AKR1A1: variants seen among roughly 807,000 people sequenced by gnomAD.
AKR1A1 encodes aldo-keto reductase family 1 member A1, also known as HEL-S-165mP.
AKR1A1 carries 26 observed loss-of-function variants against 39.2 expected under a neutral mutation model. The ratio of observed to expected loss-of-function variants is 0.66; its 90% CI spans 0.49 to 0.92. The LOEUF is 0.92. Among genes scored for constraint, AKR1A1 ranks in the 40% least tolerant of loss-of-function variants. The pLI, the probability that AKR1A1 is intolerant of heterozygous loss-of-function variation, is 0.00. For synonymous variants in AKR1A1, 141 were observed against 155.5 expected (o/e 0.91, Z 0.69); for missense variants, 378 against 406.5 (o/e 0.93, Z 0.60).
At position 45,562,946 on chromosome 1, in the gene AKR1A1, C is replaced by T. The variant is rs139322443; in HGVS notation, c.84+1068C>T. Reference sequence around the variant, plus strand: ...ACCAGACTGGGCAACACAGTGAGACCCCCGTCTCTACAAAAAATTAAAAAA... The same window carrying T: ...ACCAGACTGGGCAACACAGTGAGACTCCCGTCTCTACAAAAAATTAAAAAA... On this transcript the variant is annotated intron_variant, in intron 2 of 8. Coordinates refer to ENST00000351829, the MANE Select transcript of AKR1A1 (RefSeq NM_153326.3). Among the ~76,000 whole-genome samples the T allele has an allele frequency of 2.0e-3, 298 of 151,966 alleles. 1 individual carries two copies. The highest frequency in any genetic ancestry group is 3.4e-3 in the Non-Finnish European group (234 of 67,958).
At chr1:45,560,493 C>T (rs917159253) in intron 1 of AKR1A1, among the ~76,000 whole-genome samples, 3 of 152,090 alleles carry the variant, frequency 2.0e-5, no homozygotes, top group Non-Finnish European at 4.4e-5. Flanking sequence ...GCCTGTAGTC[C>T]CAGCTACTTG....
intron 1 of AKR1A1, among the ~76,000 whole-genome samples, chr1:45,557,337 G>A (rs1326994976): frequency 6.6e-6 from 1 of 151,946 alleles, no homozygotes; most frequent in African/African-American, 2.4e-5. Flanking sequence ...AGATGAGGAA[G>A]TCAAGAGCTG....
intron 1 of AKR1A1, 85 bp from the exon 2 acceptor site, chr1:45,561,704 C>T: frequency 7.2e-7 from 1 of 1,382,942 alleles, no homozygotes; most frequent in Non-Finnish European, 1.0e-6. Flanking sequence ...GCACTTGGCG[C>T]TTTGCAGTAT....
At chr1:45,566,781 T>C in intron 3 of AKR1A1, 88 bp from the exon 4 acceptor site, 9 of 1,593,068 alleles carry the variant, frequency 5.6e-6, no homozygotes, top group Admixed American at 1.7e-5. Context: ...TGGCATCAGC[T>C]TCCTTCCAGT....
intron 1 of AKR1A1, among the ~76,000 whole-genome samples, chr1:45,558,290 A>G (rs1173548326): frequency 1.3e-5 from 2 of 151,516 alleles, no homozygotes; most frequent in African/African-American, 2.4e-5. Flanking sequence ...GTGCAGTGGC[A>G]CTATATCAGC....
intron 2 of AKR1A1, among the ~76,000 whole-genome samples, chr1:45,564,090 A>G (rs993668908): frequency 6.6e-6 from 1 of 152,202 alleles, no homozygotes; most frequent in Non-Finnish European, 1.5e-5. Context: ...AGATTCTTCT[A>G]TCTGGGATTT....
At chr1:45,560,193 C>T (rs746536821) in intron 1 of AKR1A1, among the ~76,000 whole-genome samples, 8 of 152,110 alleles carry the variant, frequency 5.3e-5, no homozygotes, top group Non-Finnish European at 1.2e-4. Context: ...ACTCTGTTGG[C>T]CAGGCTGGTC....
At chr1:45,551,564 G>A (rs1644131263) in intron 1 of AKR1A1, among the ~76,000 whole-genome samples, 1 of 152,130 alleles carries the variant, frequency 6.6e-6, no homozygotes, top group Admixed American at 6.6e-5. Flanking sequence ...CTCTTACTTA[G>A]ACACCTGCTT....
At chr1:45,569,293 G>C (rs146581896) in intron 8 of AKR1A1, 64 bp downstream of exon 8, 2 of 1,378,416 alleles carry the variant, frequency 1.5e-6, no homozygotes, top group East Asian at 4.6e-5. Context: ...TCTGGCCCAG[G>C]TGTGACCTAA....
intron 1 of AKR1A1, among the ~76,000 whole-genome samples, chr1:45,559,601 C>G (rs1035313511): frequency 2.0e-5 from 3 of 147,378 alleles, no homozygotes; most frequent in Non-Finnish European, 4.5e-5. Flanking sequence ...TCCTTAGATC[C>G]TTGGTTTTGC....
intron 6 of AKR1A1, 90 bp from the exon 7 acceptor site, chr1:45,568,837 C>A: frequency 6.5e-7 from 1 of 1,532,964 alleles, no homozygotes; most frequent in Non-Finnish European, 9.0e-7. Flanking sequence ...GGCTCAGGTG[C>A]TCCAGGAGCT....
intron 2 of AKR1A1, among the ~76,000 whole-genome samples, chr1:45,565,982 C>A (rs946989145): frequency 6.6e-6 from 1 of 152,038 alleles, no homozygotes; most frequent in African/African-American, 2.4e-5. Context: ...TTTTGCTAGA[C>A]CTTGCTGAGA....
chr1:45,553,682 C>G (rs548183148), intron 1 of AKR1A1, among the ~76,000 whole-genome samples: 2 of 152,114 alleles, frequency 1.3e-5, no homozygotes, highest in East Asian at 1.9e-4. Context: ...AGGTGATTTT[C>G]CAAGCTGGCT....
intron 1 of AKR1A1, among the ~76,000 whole-genome samples, chr1:45,559,273 T>A (rs1398113727): frequency 6.6e-6 from 1 of 152,212 alleles, no homozygotes; most frequent in African/African-American, 2.4e-5. Flanking sequence ...ACATTCAATT[T>A]ACTGACAAAA....
intron 1 of AKR1A1, among the ~76,000 whole-genome samples, chr1:45,557,652 C>G (rs575881647): frequency 2.0e-5 from 3 of 152,172 alleles, no homozygotes; most frequent in Non-Finnish European, 4.4e-5. Flanking sequence ...GCCCAGGAAA[C>G]CTGCCTTAGA....
In AKR1A1 at chr1:45,568,022, A is replaced by G; in HGVS notation, c.397A>G (p.Ile133Val). 6.2e-7 allele frequency: 1 copy of G among 1,613,964 alleles called. No individual in the cohort carries two copies. Among genetic ancestry groups the G allele is most frequent in the Non-Finnish European group, 8.5e-7 (1 of 1,179,988 alleles). ...NPFPKNADGT[I>V]CYDSTHYKET... Reference sequence around the variant, plus strand: ...CTTCCCCAAGAATGCTGATGGGACTATATGCTACGACTCCACCCACTACAA... The same window carrying G: ...CTTCCCCAAGAATGCTGATGGGACTGTATGCTACGACTCCACCCACTACAA... Residue 133 changes from isoleucine (I) to valine (V), a missense_variant, in exon 5 of 9, where the codon ATA becomes GTA. Physicochemically the swap from Ile to Val is conservative, Grantham distance 29 (BLOSUM62 3). Transcript: ENST00000351829.
intron 4 of AKR1A1, 58 bp downstream of exon 4, chr1:45,567,078 T>C (rs1367498507): frequency 2.7e-5 from 43 of 1,580,144 alleles, no homozygotes; most frequent in Non-Finnish European, 3.4e-5. Context: ...ATGGTGTTAG[T>C]AACTTATTGT....
chr1:45,558,385 C>G (rs1337397020), intron 1 of AKR1A1, among the ~76,000 whole-genome samples: 1 of 149,910 alleles, frequency 6.7e-6, no homozygotes, highest in African/African-American at 2.5e-5. Flanking sequence ...TGTGCCACCA[C>G]GCCCAGCTAA....
In AKR1A1 at chr1:45,569,950, G is replaced by A. The variant is rs769714304; in HGVS notation, c.972G>A (p.Pro324=). Residue 324 remains proline, a synonymous_variant, in exon 9 of 9, where the codon CCG becomes CCA. Transcript: ENST00000351829. The part of the protein sequence containing the change: ...AGHPLYPFND[P]Y ...ATCCTCTGTACCCCTTTAATGACCC[G>A]TACTGAGACCACAGCTTCTTGGCCT... 1.2e-5 allele frequency: 20 copies of A among 1,613,922 alleles called. No individual in the cohort carries two copies. Among genetic ancestry groups the A allele is most frequent in the African/African-American group, 4.0e-5 (3 of 74,908 alleles).
Sources: allele counts gnomAD v4.1 joint callset (sites outside exome capture counted in the v4.1 genomes callset), GRCh38; gene constraint gnomAD v4.1.1; transcripts MANE v1.5; gene names NCBI Gene and HGNC (gene_info 2026-07-23, HGNC 2026-07-21).